Variants in FAAH2 observed in about 807,000 individuals in gnomAD.
FAAH2 encodes fatty acid amide hydrolase 2.
A neutral mutation model predicts 36.9 loss-of-function variants in FAAH2; 60 were observed. The observed-to-expected ratio is 1.63, with a 90% CI of 1.32 to 2.02. FAAH2 has a LOEUF of 2.02. Ranked by LOEUF, FAAH2 falls within the 30% of genes most tolerant of loss-of-function variation. The probability of loss-of-function intolerance (pLI) is 0.00; values close to 1 mark genes in which losing one functional copy is unlikely to be tolerated. For missense variants in FAAH2, 689 were observed against 397.5 expected (o/e 1.73, Z -6.23); for synonymous variants, 214 against 143.8 (o/e 1.49, Z -3.49).
At chrX:57,268,878 C>A in the FAAH2 span, among the ~76,000 whole-genome samples, 2 of 111,424 alleles carry the variant, frequency 1.8e-5, no homozygotes, top group Non-Finnish European at 3.8e-5. Flanking sequence ...AGGATCAAAT[C>A]CACACATATC....
the FAAH2 span, among the ~76,000 whole-genome samples, chrX:57,152,407 G>A: frequency 2.7e-5 from 3 of 112,601 alleles, no homozygotes; most frequent in African/African-American, 6.4e-5. Flanking sequence ...TTGAGCTGTG[G>A]CAGGCTCCAC....
At chrX:57,423,007 T>C (rs2056074574) in intron 7 of FAAH2, among the ~76,000 whole-genome samples, 2 of 111,855 alleles carry the variant, frequency 1.8e-5, no homozygotes, top group Non-Finnish European at 3.8e-5. Context: ...AGAGAATTTC[T>C]CTCTGATACA....
intron 1 of FAAH2, among the ~76,000 whole-genome samples, chrX:57,288,720 C>A (rs1208577677): frequency 1.8e-5 from 2 of 110,672 alleles, no homozygotes; most frequent in Non-Finnish European, 3.8e-5. Flanking sequence ...ATAGAATCTA[C>A]CTTTTAGAGT....
chrX:57,438,680 C>A (rs1444998117), intron 8 of FAAH2, among the ~76,000 whole-genome samples: 1 of 108,951 alleles, frequency 9.2e-6, no homozygotes, highest in Admixed American at 9.8e-5. Flanking sequence ...ATACATGTGC[C>A]ATGTTGGTGT....
chrX:57,165,311 C>G, the FAAH2 span, among the ~76,000 whole-genome samples: 7 of 112,410 alleles, frequency 6.2e-5, no homozygotes, highest in South Asian at 3.7e-4. Context: ...CAATGATAGA[C>G]TGGATCAAGA....
the FAAH2 span, among the ~76,000 whole-genome samples, chrX:57,132,929 C>T: frequency 8.9e-6 from 1 of 112,223 alleles, no homozygotes; most frequent in Non-Finnish European, 1.9e-5. Context: ...ATAACATCCT[C>T]CTTGCTCCTC....
the FAAH2 span, among the ~76,000 whole-genome samples, chrX:57,123,608 C>G: frequency 8.9e-6 from 1 of 112,289 alleles, no homozygotes; most frequent in African/African-American, 3.2e-5. Context: ...AACTAGTTTA[C>G]AGTCCCACCA....
intron 3 of FAAH2, among the ~76,000 whole-genome samples, chrX:57,319,849 G>A (rs911057725): frequency 1.8e-5 from 2 of 111,341 alleles, no homozygotes; most frequent in African/African-American, 6.5e-5. Flanking sequence ...CAGAACAGAG[G>A]CCTCAGAAAT....
chrX:57,285,667 G>A (rs773034374), upstream of FAAH2, among the ~76,000 whole-genome samples: 1 of 111,499 alleles, frequency 9.0e-6, no homozygotes, highest in East Asian at 2.8e-4. Context: ...GAGAACTTTC[G>A]GATAGTTGTT....
intron 3 of FAAH2, among the ~76,000 whole-genome samples, chrX:57,312,004 G>T (rs1390119516): frequency 1.8e-5 from 2 of 112,243 alleles, no homozygotes; most frequent in East Asian, 5.7e-4. Context: ...GTGAGATGGG[G>T]CATGCCTCCC....
chrX:57,165,930 C>A, the FAAH2 span, among the ~76,000 whole-genome samples: 3 of 110,293 alleles, frequency 2.7e-5, no homozygotes, highest in Non-Finnish European at 5.7e-5. Context: ...GCCATGCCCC[C>A]CATCCTGTGC....
chrX:57,461,107 T>C (rs1361068200), intron 10 of FAAH2, among the ~76,000 whole-genome samples: 1 of 106,820 alleles, frequency 9.4e-6, no homozygotes, highest in East Asian at 3.0e-4. Context: ...CTAACTATCC[T>C]AAACATACAT....
chrX:57,191,303 A>C, the FAAH2 span, among the ~76,000 whole-genome samples: 1 of 112,075 alleles, frequency 8.9e-6, no homozygotes, highest in African/African-American at 3.2e-5. Context: ...AGAAATGTCT[A>C]TTCAAATATT....
intron 7 of FAAH2, among the ~76,000 whole-genome samples, chrX:57,421,731 A>C (rs1038218040): frequency 8.9e-6 from 1 of 112,103 alleles, no homozygotes; most frequent in Non-Finnish European, 1.9e-5. Context: ...TCCAGTCCGT[A>C]GGAGTGAAAA....
At chrX:57,431,831 C>A in intron 7 of FAAH2, 87 bp from the exon 8 acceptor site, 7 of 557,686 alleles carry the variant, frequency 1.3e-5, no homozygotes, top group East Asian at 1.1e-4. Flanking sequence ...CTGGCGCTTT[C>A]TGCTCTGCCA....
intron 5 of FAAH2, among the ~76,000 whole-genome samples, chrX:57,364,019 T>G (rs1446560130): frequency 2.2e-5 from 2 of 91,579 alleles, no homozygotes; most frequent in Non-Finnish European, 4.4e-5. Context: ...GTTTTTTTTT[T>G]TTTTTTTTTT....
the FAAH2 span, among the ~76,000 whole-genome samples, chrX:57,148,955 G>C: frequency 8.9e-6 from 1 of 111,763 alleles, no homozygotes; most frequent in Non-Finnish European, 1.9e-5. Context: ...TTTATTGAGA[G>C]TTTTTAGCAT....
intron 3 of FAAH2, among the ~76,000 whole-genome samples, chrX:57,316,818 C>T (rs1318124571): frequency 9.0e-6 from 1 of 110,656 alleles, no homozygotes; most frequent in African/African-American, 3.3e-5. Flanking sequence ...ACCCTGTCTC[C>T]CCCCACCGCC....
At chrX:57,226,292 A>C in the FAAH2 span, among the ~76,000 whole-genome samples, 1 of 111,495 alleles carries the variant, frequency 9.0e-6, no homozygotes, top group East Asian at 2.8e-4. Flanking sequence ...TGTTTCCAGG[A>C]TGTGTTTCAT....
Sources: allele counts gnomAD v4.1 joint callset (sites outside exome capture counted in the v4.1 genomes callset), GRCh38; gene constraint gnomAD v4.1.1; transcripts MANE v1.5; gene names NCBI Gene and HGNC (gene_info 2026-07-23, HGNC 2026-07-21).